COL17A1: variants seen among roughly 807,000 people sequenced by gnomAD.
COL17A1 encodes the protein collagen type XVII alpha 1 chain.
A neutral mutation model predicts 218.4 loss-of-function variants in COL17A1; 181 were observed. The observed-to-expected ratio is 0.83, with a 90% CI of 0.73 to 0.94. The LOEUF is 0.94. Among genes scored for constraint, COL17A1 ranks in the 40% least tolerant of loss-of-function variants. The pLI, the probability that COL17A1 is intolerant of heterozygous loss-of-function variation, is 0.00. For missense variants in COL17A1, 1,924 were observed against 1,945.9 expected (o/e 0.99, Z 0.21); for synonymous variants, 721 against 731.0 (o/e 0.99, Z 0.22).
At position 104,053,118 on chromosome 10, in the gene COL17A1, C is replaced by T; in HGVS notation, c.1852G>A (p.Gly618Ser). Reference protein sequence around the residue: ...KGSVGDPGMEGPMGQRGREGP... With the variant: ...KGSVGDPGMESPMGQRGREGP... The stretch of plus-strand genomic sequence containing the variant: ...TCTCGCCCTCTCTGGCCCATGGGGC[C>T]TTCCATGCCAGGATCTCCTAAAGAC... The change falls in exon 23 of 56, where the codon GGC (glycine) becomes AGC (serine). Residue 618 changes from glycine to serine, a missense_variant. Physicochemically the swap from Gly to Ser is moderately conservative, Grantham distance 56. Transcript: ENST00000648076. 6.2e-7 allele frequency: 1 copy of T among 1,613,520 alleles called. No individual in the cohort carries two copies. The highest frequency in any genetic ancestry group is 8.5e-7 in the Non-Finnish European group (1 of 1,180,026).
At chr10:104,040,769 C>T (rs1367597917) in intron 39 of COL17A1, among the ~76,000 whole-genome samples, 1 of 152,160 alleles carries the variant, frequency 6.6e-6, no homozygotes, top group Admixed American at 6.5e-5. Context: ...ATGTATCCTG[C>T]CTACTTTATC....
chr10:104,041,270 C>G (rs760326999), intron 38 of COL17A1, 33 bp downstream of exon 38: 2 of 1,600,566 alleles, frequency 1.2e-6, no homozygotes, highest in African/African-American at 2.7e-5. Flanking sequence ...TCACCTCCCC[C>G]TCCCACCTCC....
chr10:104,072,188 T>G, intron 7 of COL17A1, 109 bp from the exon 8 acceptor site: 1 of 1,506,588 alleles, frequency 6.6e-7, no homozygotes, highest in Non-Finnish European at 9.1e-7. Flanking sequence ...CTGACATTTC[T>G]GAGCTCTGGA....
At chr10:104,069,598 T>C (rs1020310083) in intron 9 of COL17A1, among the ~76,000 whole-genome samples, 2 of 152,204 alleles carry the variant, frequency 1.3e-5, no homozygotes, top group Non-Finnish European at 2.9e-5. Flanking sequence ...CAAGTTATGA[T>C]ATGGACTCCC....
intron 3 of COL17A1, 95 bp from the exon 4 acceptor site, chr10:104,077,621 AC>A: frequency 1.0e-6 from 1 of 965,364 alleles, no homozygotes; most frequent in Non-Finnish European, 1.6e-6. Context: ...CTGGTTTTTC[AC>A]CAGGACCTTC....
At chr10:104,033,177 G>A in intron 53 of COL17A1, 61 bp downstream of exon 53, 1 of 1,558,076 alleles carries the variant, frequency 6.4e-7, no homozygotes, top group East Asian at 2.4e-5. Flanking sequence ...TGTCTCTGGA[G>A]CAGACCCGTG....
At chr10:104,056,696 G>A (rs2086531702) in intron 17 of COL17A1, among the ~76,000 whole-genome samples, 2 of 152,204 alleles carry the variant, frequency 1.3e-5, no homozygotes, top group Admixed American at 1.3e-4. Context: ...AGGGCAGCCA[G>A]GTGCTTAGAC....
chr10:104,076,694 G>A (rs1172802581), intron 4 of COL17A1, among the ~76,000 whole-genome samples: 1 of 152,188 alleles, frequency 6.6e-6, no homozygotes, highest in Non-Finnish European at 1.5e-5. Flanking sequence ...CTGCTTGGAT[G>A]GACTAGAATA....
intron 1 of COL17A1, among the ~76,000 whole-genome samples, chr10:104,085,515 T>TC (rs34921413): frequency 6.6e-6 from 1 of 152,196 alleles, no homozygotes; most frequent in Non-Finnish European, 1.5e-5. Context: ...CTTCTCCTTT[T>TC]CCCCACTTAT....
Position 104,076,436 on chromosome 10 carries a change from G to A in COL17A1, c.203-7C>T. On this transcript the variant is annotated splice_region_variant and splice_polypyrimidine_tract_variant and intron_variant, in intron 4 of 55. Transcript: ENST00000648076. ...TGGCCTCGTGTGCTTCCAGCTGCAA[G>A]AGGGAAAAAGCATAAGTTCTCAGTG... 1 of 1,613,944 alleles carries A rather than the reference G, an allele frequency of 6.2e-7. No homozygotes were observed. Among genetic ancestry groups the A allele is most frequent in the Non-Finnish European group, 8.5e-7 (1 of 1,179,866 alleles).
intron 28 of COL17A1, 137 bp from the exon 29 acceptor site, chr10:104,049,608 C>G (rs979891521): frequency 2.1e-5 from 18 of 850,938 alleles, no homozygotes; most frequent in Non-Finnish European, 3.3e-5. Flanking sequence ...CTTGGAACCC[C>G]TGGGAAGTGG....
At chr10:104,036,411 A>C in intron 48 of COL17A1, 81 bp downstream of exon 48, 6 of 1,586,970 alleles carry the variant, frequency 3.8e-6, no homozygotes, top group Non-Finnish European at 5.2e-6. Flanking sequence ...TCAGTGGGGC[A>C]ATCACAGGGA....
At position 104,032,209 on chromosome 10, in the gene COL17A1, C is replaced by A. The variant is rs768127417; in HGVS notation, c.*26G>T. On this transcript the variant is annotated 3_prime_UTR_variant, in exon 56 of 56. Transcript: ENST00000648076. ...TGCCACATGCATTATGAGACCTGGT[C>A]CAGGAGCTGTCCTGCCATGGCTAGC... The A allele has an allele frequency of 6.2e-7, 1 of 1,605,466 alleles. No individual in the cohort carries two copies. Among genetic ancestry groups the A allele is most frequent in the Non-Finnish European group, 8.5e-7 (1 of 1,172,236 alleles).
At chr10:104,081,531 C>T (rs565515760) in intron 1 of COL17A1, among the ~76,000 whole-genome samples, 2 of 152,276 alleles carry the variant, frequency 1.3e-5, no homozygotes, top group South Asian at 2.1e-4. Context: ...GCAAGGGTCC[C>T]GTCCCAACTG....
intron 14 of COL17A1, 148 bp from the exon 15 acceptor site, chr10:104,059,866 C>T (rs1207713000): frequency 8.7e-6 from 9 of 1,035,314 alleles, no homozygotes; most frequent in African/African-American, 1.6e-5. Context: ...GGGTTCATCT[C>T]CCCTGATCTG....
In COL17A1 at chr10:104,043,891, T is replaced by C. The variant is rs200820676; in HGVS notation, c.2399-31A>G. The C allele has an allele frequency of 1.2e-5, 19 of 1,614,004 alleles. No individual in the cohort carries two copies. The African/African-American group carries it at 2.4e-4, about 20-fold the overall frequency. ...AAGAGAGGAAAAGGCTGAGAGTGGT[T>C]GTTCTGAGGATCAATTAGTGGCTCA... On this transcript the variant is annotated intron_variant, in intron 33 of 55. Coordinates refer to ENST00000648076, the MANE Select transcript of COL17A1 (RefSeq NM_000494.4).
intron 29 of COL17A1, among the ~76,000 whole-genome samples, chr10:104,048,780 C>A (rs2134601640): frequency 6.6e-6 from 1 of 152,186 alleles, no homozygotes; most frequent in South Asian, 2.1e-4. Flanking sequence ...CATGCTGCAT[C>A]TCCACAGGTA....
intron 9 of COL17A1, among the ~76,000 whole-genome samples, chr10:104,067,140 C>T (rs1263457756): frequency 6.6e-6 from 1 of 152,042 alleles, no homozygotes; most frequent in Non-Finnish European, 1.5e-5. Context: ...GCCAGCTGAG[C>T]AGAAATTCCT....
chr10:104,052,178 A>C lies in COL17A1; in HGVS notation c.1979T>G (p.Val660Gly). 1 of 1,614,162 alleles carries C rather than the reference A, an allele frequency of 6.2e-7. No homozygotes were observed. The highest frequency in any genetic ancestry group is 8.5e-7 in the Non-Finnish European group (1 of 1,180,014). ...GEPGPHGPPG[V>G]PGSVGPKGSS... is the part of the protein sequence containing the mutation. ...ACCTTTGGGACCCACAGAACCTGGG[A>C]CACCAGGTGGGCCATGAGGACCTGG... The change falls in exon 24 of 56, where the codon GTC (valine) becomes GGC (glycine). Residue 660 changes from valine to glycine, a missense_variant. Coordinates refer to ENST00000648076, the MANE Select transcript of COL17A1 (RefSeq NM_000494.4).
Sources: gnomAD v4.1 joint callset for allele counts (sites outside exome capture counted in the v4.1 genomes callset) on GRCh38, gnomAD v4.1.1 for gene constraint, MANE v1.5 for transcripts, NCBI Gene and HGNC (gene_info 2026-07-23, HGNC 2026-07-21) for gene names.